Variants in EYS observed in about 807,000 individuals in gnomAD.
EYS encodes the protein protein eyes shut homolog.
A neutral mutation model predicts 282.1 loss-of-function variants in EYS; 250 were observed. The ratio of observed to expected loss-of-function variants is 0.89; its 90% CI spans 0.80 to 0.98. EYS has a LOEUF of 0.98. Among genes scored for constraint, EYS ranks in the 50% least tolerant of loss-of-function variants. The pLI is 0.00. For synonymous variants in EYS, 1,355 were observed against 1,282.9 expected (o/e 1.06, Z -1.20); for missense variants, 4,016 against 3,709.0 (o/e 1.08, Z -2.15).
chr6:64,853,233 A>T (rs1024300326), intron 19 of EYS, among the ~76,000 whole-genome samples: 3 of 152,148 alleles, frequency 2.0e-5, no homozygotes, highest in Non-Finnish European at 4.4e-5. Flanking sequence ...AAGAAAGAGA[A>T]GTATACTCTT....
In EYS at chr6:63,762,577, C is replaced by T. The variant is rs1389551814; in HGVS notation, c.7955G>A (p.Cys2652Tyr). 2 of 1,550,450 alleles carry T rather than the reference C, an allele frequency of 1.3e-6. No homozygotes were observed. Among genetic ancestry groups the T allele is most frequent in the African/African-American group, 2.7e-5 (2 of 73,038 alleles). Reference sequence around the variant, plus strand: ...GTGTGGAGGGTCATGTTCAGGATCACAGGTAGAAACTGTCTCTGTGCAGAA... The same window carrying T: ...GTGTGGAGGGTCATGTTCAGGATCATAGGTAGAAACTGTCTCTGTGCAGAA... ...GSFCTETVST[C>Y]DPEHDPPHHC... The change falls in exon 41 of 43, where the codon TGT becomes TAT. Residue 2652 changes from cysteine (C) to tyrosine (Y), a missense_variant. Coordinates refer to ENST00000503581, the MANE Select transcript of EYS (RefSeq NM_001142800.2).
At chr6:65,287,662 C>G (rs369345531) in intron 12 of EYS, among the ~76,000 whole-genome samples, 32 of 151,400 alleles carry the variant, frequency 2.1e-4, no homozygotes, top group African/African-American at 7.7e-4. Flanking sequence ...ACGTGTTGTA[C>G]TAAAGAGCTG....
intron 2 of EYS, among the ~76,000 whole-genome samples, chr6:65,621,875 A>G (rs1448498960): frequency 6.6e-6 from 1 of 152,194 alleles, no homozygotes; most frequent in Non-Finnish European, 1.5e-5. Flanking sequence ...TAATCATAGC[A>G]TTCAATGAAG....
In EYS at chr6:63,875,620, A is replaced by G. The variant is rs963696673; in HGVS notation, c.7056-11262T>C. 2.6e-5 allele frequency among the ~76,000 whole-genome samples: 4 copies of G among 152,216 alleles called. No individual in the cohort carries two copies. In the East Asian group the frequency reaches 7.7e-4, roughly 29 times the overall value. Reference sequence around the variant, plus strand: ...TGGTCCTGGACTTTTTTGGGTTGGTAGGCTGTTAATTATTGCCTCAATTTC... The same window carrying G: ...TGGTCCTGGACTTTTTTGGGTTGGTGGGCTGTTAATTATTGCCTCAATTTC... On this transcript the variant is annotated intron_variant, in intron 35 of 42. Transcript: ENST00000503581.
intron 14 of EYS, among the ~76,000 whole-genome samples, chr6:64,970,808 C>A (rs922453551): frequency 6.6e-6 from 1 of 152,020 alleles, no homozygotes; most frequent in African/African-American, 2.4e-5. Context: ...TTGATATGTA[C>A]CATAGAATGA....
Position 64,638,185 on chromosome 6 carries a change from A to G in EYS, c.3444-11940T>C, listed in dbSNP as rs528776072. ...ATTTTATGAAAAAACAATTTTAAAC[A>G]CAGGCAGACTACTTTGAACTTTGGA... is the stretch of plus-strand genomic sequence containing the variant. On this transcript the variant is annotated intron_variant, in intron 22 of 42. Coordinates refer to ENST00000503581, the MANE Select transcript of EYS (RefSeq NM_001142800.2). Among the ~76,000 whole-genome samples, 50 of 91,666 alleles carry G rather than the reference A, an allele frequency of 5.5e-4. 16 individuals are homozygous for G. The highest frequency in any genetic ancestry group is 2.1e-3 in the African/African-American group (50 of 24,330). 60.1% of individuals were successfully genotyped at this position (91,666 alleles called of 152,430 possible). A position where few individuals can be genotyped will look rare whatever the true frequency, so the allele number is the denominator to read the frequency against.
intron 12 of EYS, among the ~76,000 whole-genome samples, chr6:65,257,495 C>A (rs1582070991): frequency 6.9e-6 from 1 of 144,402 alleles, no homozygotes. Flanking sequence ...ATATGGCTAG[C>A]CAGTTTTCCC....
rs527422377 is a variant in EYS, at chr6:64,308,772, C to T, written c.6079-1690G>A. On this transcript the variant is annotated intron_variant, in intron 29 of 42. Coordinates refer to ENST00000503581, the MANE Select transcript of EYS (RefSeq NM_001142800.2). ...CTCAAATTTACTGCAAAGACTCTCA[C>T]CTGGTAATACTCTGTCAAACGTCAA... 6.6e-5 allele frequency among the ~76,000 whole-genome samples: 10 copies of T among 152,020 alleles called. No homozygotes were observed. In the East Asian group the frequency reaches 1.2e-3, roughly 18 times the overall value.
At chr6:65,235,808 G>A (rs777841738) in intron 12 of EYS, among the ~76,000 whole-genome samples, 1 of 151,976 alleles carries the variant, frequency 6.6e-6, no homozygotes, top group Admixed American at 6.6e-5. Flanking sequence ...ATTATTATGA[G>A]TAGCATTAAT....
chr6:64,147,708 T>C (rs928129748), intron 31 of EYS, among the ~76,000 whole-genome samples: 2 of 152,178 alleles, frequency 1.3e-5, no homozygotes, highest in Non-Finnish European at 2.9e-5. Flanking sequence ...TGGGCTGCAA[T>C]GATGAATGCC....
intron 26 of EYS, among the ~76,000 whole-genome samples, chr6:64,546,248 C>A (rs867824172): frequency 1.4e-4 from 22 of 152,062 alleles, no homozygotes; most frequent in African/African-American, 5.3e-4. Flanking sequence ...CTTTGACAAA[C>A]CTGACAAAAA....
At chr6:65,254,173 A>G (rs1767399701) in intron 12 of EYS, among the ~76,000 whole-genome samples, 1 of 151,860 alleles carries the variant, frequency 6.6e-6, no homozygotes, top group Non-Finnish European at 1.5e-5. Flanking sequence ...TGAGCAGTTG[A>G]GTATTGCTCT....
At chr6:64,880,139 T>C (rs1332633013) in intron 19 of EYS, among the ~76,000 whole-genome samples, 1 of 151,952 alleles carries the variant, frequency 6.6e-6, no homozygotes, top group African/African-American at 2.4e-5. Context: ...GGGCCCTCAT[T>C]ACACACAGGC....
At chr6:64,971,688 G>T (rs1421175770) in intron 14 of EYS, among the ~76,000 whole-genome samples, 1 of 152,038 alleles carries the variant, frequency 6.6e-6, no homozygotes, top group African/African-American at 2.4e-5. Flanking sequence ...TGCTCTATTT[G>T]TTCTTAAGCA....
rs571575191 is a variant in EYS at position 65,228,260 on chromosome 6, A to T, written c.2023+67603T>A. ...AAAAAGCACTCAGATTGAAAAGGAA[A>T]AAATAAAAGTATTGACTAATGACAT... is the stretch of plus-strand genomic sequence containing the variant. On this transcript the variant is annotated intron_variant, in intron 12 of 42. Transcript: ENST00000503581. Among the ~76,000 whole-genome samples the T allele has an allele frequency of 2.4e-4, 37 of 152,182 alleles. No individual in the cohort carries two copies. In the South Asian group the frequency reaches 7.5e-3, roughly 31 times the overall value.
chr6:65,089,427 G>C (rs557968795), intron 12 of EYS, among the ~76,000 whole-genome samples: 30 of 152,240 alleles, frequency 2.0e-4, no homozygotes, highest in African/African-American at 6.3e-4. Context: ...GAACTTAAAG[G>C]TTTAATGACT....
At chr6:64,151,642 G>A (rs1199504025) in intron 31 of EYS, among the ~76,000 whole-genome samples, 1 of 151,782 alleles carries the variant, frequency 6.6e-6, no homozygotes, top group Non-Finnish European at 1.5e-5. Context: ...TTACAGGCAT[G>A]AGCCACCGCG....
chr6:65,312,534 T>C (rs910741749), intron 11 of EYS, among the ~76,000 whole-genome samples: 6 of 152,132 alleles, frequency 3.9e-5, no homozygotes, highest in Admixed American at 2.0e-4. Flanking sequence ...CTGCATTCTA[T>C]CCCCTCATCC....
At chr6:65,594,877 C>A (rs1562277798) in intron 2 of EYS, among the ~76,000 whole-genome samples, 1 of 152,098 alleles carries the variant, frequency 6.6e-6, no homozygotes, top group Non-Finnish European at 1.5e-5. Context: ...CAGCTTTCTA[C>A]ATATGGCTAG....
Sources: gnomAD v4.1 joint callset for allele counts (sites outside exome capture counted in the v4.1 genomes callset) on GRCh38, gnomAD v4.1.1 for gene constraint, MANE v1.5 for transcripts, NCBI Gene and HGNC (gene_info 2026-07-23, HGNC 2026-07-21) for gene names.